CDCA7L: variants seen among roughly 807,000 people sequenced by gnomAD.
CDCA7L encodes cell division cycle associated 7 like.
Under a neutral mutation model 57.4 loss-of-function variants are expected in CDCA7L, and 44 were observed. The observed-to-expected ratio is 0.77, with a 90% CI of 0.60 to 0.98. CDCA7L has a LOEUF of 0.98. Among genes scored for constraint, CDCA7L ranks in the 50% least tolerant of loss-of-function variants. The pLI is 0.00. For missense variants in CDCA7L, 644 were observed against 580.6 expected (o/e 1.11, Z -1.12); for synonymous variants, 236 against 202.8 (o/e 1.16, Z -1.39).
intron 1 of CDCA7L, among the ~76,000 whole-genome samples, chr7:21,928,699 T>C (rs1583868344): frequency 1.3e-5 from 2 of 151,126 alleles, no homozygotes; most frequent in African/African-American, 4.9e-5. Flanking sequence ...GAAGAAAGGA[T>C]ATCAGAGACT....
At chr7:21,932,979 T>C (rs1786061451) in intron 1 of CDCA7L, among the ~76,000 whole-genome samples, 1 of 151,478 alleles carries the variant, frequency 6.6e-6, no homozygotes, top group Non-Finnish European at 1.5e-5. Context: ...AACAACTTCA[T>C]CAAAAAGTGG....
At chr7:21,922,320 G>T (rs896450850) in intron 1 of CDCA7L, among the ~76,000 whole-genome samples, 1 of 152,174 alleles carries the variant, frequency 6.6e-6, no homozygotes, top group African/African-American at 2.4e-5. Flanking sequence ...GGGCCAAGCA[G>T]GTGGGTAACA....
chr7:21,922,508 G>C (rs1785683250), intron 1 of CDCA7L, among the ~76,000 whole-genome samples: 2 of 152,198 alleles, frequency 1.3e-5, no homozygotes, highest in Non-Finnish European at 2.9e-5. Context: ...GTGTTGGTAA[G>C]AAACTTCCCA....
chr7:21,905,498 T>C lies in CDCA7L; in HGVS notation c.1047+8A>G. 1 of 1,613,048 alleles carries C rather than the reference T, an allele frequency of 6.2e-7. No individual in the cohort carries two copies. Among genetic ancestry groups the C allele is most frequent in the Non-Finnish European group, 8.5e-7 (1 of 1,179,544 alleles). On this transcript the variant is annotated splice_region_variant and intron_variant, in intron 7 of 9. Transcript: ENST00000406877. ...CCCAATAAGAATGACAATTAATGTA[T>C]ACTTTACCAGAACTTTATCATAGAT...
intron 1 of CDCA7L, among the ~76,000 whole-genome samples, chr7:21,932,206 C>G (rs1267826411): frequency 1.3e-5 from 2 of 152,116 alleles, no homozygotes; most frequent in African/African-American, 4.8e-5. Context: ...GAATCAGTAT[C>G]ATGAAAATGG....
In CDCA7L at chr7:21,917,123, T is replaced by C. The variant is rs78198095; in HGVS notation, c.25-229A>G. 0.029 allele frequency among the ~76,000 whole-genome samples: 4,380 copies of C among 152,184 alleles called. 208 individuals carry two copies. Among genetic ancestry groups the C allele is most frequent in the African/African-American group, 0.099 (4,104 of 41,492 alleles). On this transcript the variant is annotated intron_variant, in intron 1 of 9. Transcript: ENST00000406877. ...TAAAATTCTAGATATACACCCTATT[T>C]TACAGAGAATGTTAAAACCAGGCCA...
At chr7:21,945,756 C>CGGCGGCG (rs1730449916) in intron 1 of CDCA7L, 25 bp downstream of exon 1, 1 of 1,598,818 alleles carries the variant, frequency 6.3e-7, no homozygotes, top group Non-Finnish European at 8.5e-7. Context: ...TGCGTCCGGA[C>CGGCGGCG]GGCGGCGGGC....
At chr7:21,902,924 G>GTGCTCAGCCTCAAGATTTCAAGCTGTTTT in intron 9 of CDCA7L, 54 bp downstream of exon 9, 1 of 1,579,372 alleles carries the variant, frequency 6.3e-7, no homozygotes. Context: ...AGGGTCTCCT[G>GTGCTCAGCCTCAAGATTTCAAGCTGTTTT]TGCTCAGCCT....
chr7:21,917,653 TTC>T (rs1785525597), intron 1 of CDCA7L, among the ~76,000 whole-genome samples: 1 of 152,310 alleles, frequency 6.6e-6, no homozygotes, highest in Admixed American at 6.5e-5. Context: ...TTTGCTTTCT[TTC>T]TCTGTTTCAA....
chr7:21,940,242 T>A, intron 1 of CDCA7L: 1 of 849,590 alleles, frequency 1.2e-6, no homozygotes, highest in Non-Finnish European at 1.4e-6. Flanking sequence ...GCCAGGAAAG[T>A]GCAACCCTAC....
At chr7:21,922,947 T>C (rs1785704103) in intron 1 of CDCA7L, among the ~76,000 whole-genome samples, 1 of 152,182 alleles carries the variant, frequency 6.6e-6, no homozygotes, top group African/African-American at 2.4e-5. Flanking sequence ...ATTCTACTTA[T>C]AACAGGTACC....
At chr7:21,911,006 ATTTTTTTTTTTTTTTTTTTTTTTTT>A (rs557286550) in intron 3 of CDCA7L, among the ~76,000 whole-genome samples, 19,587 of 83,156 alleles carry the variant, frequency 0.24, 2,055 homozygotes, top group South Asian at 0.31. Context: ...TCTTGAGATA[ATTTTTTTTTTTTTTTTTTTTTTTTT>A]TTTTTTTTTT....
intron 3 of CDCA7L, among the ~76,000 whole-genome samples, chr7:21,910,990 A>G (rs1349023593): frequency 2.0e-5 from 3 of 147,704 alleles, no homozygotes; most frequent in Non-Finnish European, 3.0e-5. Flanking sequence ...AAGAGGTTTA[A>G]GGAACTCTTG....
chr7:21,940,735 G>C (rs1786317819), intron 1 of CDCA7L, among the ~76,000 whole-genome samples: 1 of 152,182 alleles, frequency 6.6e-6, no homozygotes. Context: ...GCTGTGGATG[G>C]GGTGTCCCTG....
chr7:21,907,884 T>C (rs1380822518), intron 4 of CDCA7L, among the ~76,000 whole-genome samples: 2 of 152,196 alleles, frequency 1.3e-5, no homozygotes, highest in Non-Finnish European at 2.9e-5. Context: ...GTAAGCAGCA[T>C]TATGGCACCA....
chr7:21,904,070 C>T (rs1456642359), intron 8 of CDCA7L, 40 bp downstream of exon 8: 1 of 1,520,110 alleles, frequency 6.6e-7, no homozygotes, highest in South Asian at 1.3e-5. Flanking sequence ...TTGCTTCCTT[C>T]ACCAATACAA....
At chr7:21,931,585 T>C (rs192326584) in intron 1 of CDCA7L, among the ~76,000 whole-genome samples, 159 of 152,326 alleles carry the variant, frequency 1.0e-3, no homozygotes, top group African/African-American at 3.8e-3. Flanking sequence ...CACCGATTCC[T>C]GCTAAAAACT....
chr7:21,945,570 G>T (rs1749682615), intron 1 of CDCA7L, among the ~76,000 whole-genome samples: 1 of 152,054 alleles, frequency 6.6e-6, no homozygotes, highest in Non-Finnish European at 1.5e-5. Flanking sequence ...GTGCTGGGGC[G>T]ACCGGCCTCT....
At chr7:21,907,347 G>C (rs1348967953) in intron 4 of CDCA7L, among the ~76,000 whole-genome samples, 3 of 152,048 alleles carry the variant, frequency 2.0e-5, no homozygotes, top group Non-Finnish European at 4.4e-5. Context: ...TTCCATTTTT[G>C]TAAGTAATTT....
Sources: allele counts gnomAD v4.1 joint callset (sites outside exome capture counted in the v4.1 genomes callset), GRCh38; gene constraint gnomAD v4.1.1; transcripts MANE v1.5; gene names NCBI Gene and HGNC (gene_info 2026-07-23, HGNC 2026-07-21).